RBFOX1: variants seen among roughly 807,000 people sequenced by gnomAD.
The protein encoded by RBFOX1 is RNA binding fox-1 homolog 1.
RBFOX1 carries 8 observed loss-of-function variants against 57.7 expected under a neutral mutation model. That is an observed-to-expected ratio of 0.14 (90% CI 0.08 to 0.25). The LOEUF is 0.25. Ranked by LOEUF, RBFOX1 falls within the 10% of genes least tolerant of loss-of-function variation. RBFOX1 has a pLI of 1.00. For synonymous variants in RBFOX1, 326 were observed against 222.4 expected (o/e 1.47, Z -4.15); for missense variants, 611 against 548.5 (o/e 1.11, Z -1.14).
intron 4 of RBFOX1, among the ~76,000 whole-genome samples, chr16:7,145,153 A>G (rs1273560886): frequency 6.6e-6 from 1 of 152,128 alleles, no homozygotes; most frequent in East Asian, 1.9e-4. Flanking sequence ...AGCAGGGGGT[A>G]CCATCCCAAT....
At chr16:6,346,407 G>T (rs889881228) in intron 2 of RBFOX1, among the ~76,000 whole-genome samples, 1 of 152,212 alleles carries the variant, frequency 6.6e-6, no homozygotes, top group Admixed American at 6.5e-5. Context: ...GGGAATGTGA[G>T]TCTGTAACAG....
At chr16:7,115,733 C>T (rs750658550) in intron 4 of RBFOX1, among the ~76,000 whole-genome samples, 6 of 151,696 alleles carry the variant, frequency 4.0e-5, no homozygotes, top group African/African-American at 1.5e-4. Flanking sequence ...AGGTGACATT[C>T]CATTTCTCAT....
At chr16:7,654,242 A>G (rs1420729478) in intron 12 of RBFOX1, among the ~76,000 whole-genome samples, 1 of 152,214 alleles carries the variant, frequency 6.6e-6, no homozygotes, top group Non-Finnish European at 1.5e-5. Flanking sequence ...GTTACAGCCA[A>G]AGATGTATTT....
chr16:5,835,563 G>T (rs1031099429), intron 3 of RBFOX1, among the ~76,000 whole-genome samples: 2 of 152,098 alleles, frequency 1.3e-5, no homozygotes, highest in Non-Finnish European at 2.9e-5. Context: ...GCATCTTCAG[G>T]GGCAGGGCCC....
intron 1 of RBFOX1, among the ~76,000 whole-genome samples, chr16:6,115,058 G>C (rs1871586000): frequency 6.6e-6 from 1 of 152,136 alleles, no homozygotes; most frequent in Non-Finnish European, 1.5e-5. Flanking sequence ...GAAAGGGGTA[G>C]TAACTTCCAG....
At chr16:6,572,796 G>C (rs936014618) in intron 2 of RBFOX1, among the ~76,000 whole-genome samples, 1 of 152,086 alleles carries the variant, frequency 6.6e-6, no homozygotes, top group Non-Finnish European at 1.5e-5. Context: ...GTTTCACCAT[G>C]TTGGCCACGC....
intron 4 of RBFOX1, among the ~76,000 whole-genome samples, chr16:7,328,202 C>G (rs767884668): frequency 6.6e-6 from 1 of 152,138 alleles, no homozygotes; most frequent in Non-Finnish European, 1.5e-5. Context: ...AAAGGAGGTT[C>G]TGGGCGCGGT....
At chr16:5,876,715 C>A (rs527587837) in intron 4 of RBFOX1, among the ~76,000 whole-genome samples, 1 of 152,294 alleles carries the variant, frequency 6.6e-6, no homozygotes, top group Non-Finnish European at 1.5e-5. Flanking sequence ...TACATTCCAA[C>A]CTTCTGACTG....
chr16:5,715,329 A>G (rs1166178665), intron 3 of RBFOX1, among the ~76,000 whole-genome samples: 1 of 152,206 alleles, frequency 6.6e-6, no homozygotes, highest in Non-Finnish European at 1.5e-5. Context: ...CTAGATTACT[A>G]ATATGTTCCC....
At chr16:6,905,608 G>C (rs2069669251) in intron 3 of RBFOX1, among the ~76,000 whole-genome samples, 1 of 151,554 alleles carries the variant, frequency 6.6e-6, no homozygotes, top group Non-Finnish European at 1.5e-5. Context: ...CTAGCTAGTA[G>C]GTTGGACTTT....
intron 10 of RBFOX1, among the ~76,000 whole-genome samples, chr16:7,617,569 C>G (rs548299362): frequency 1.3e-5 from 2 of 152,120 alleles, no homozygotes; most frequent in Non-Finnish European, 2.9e-5. Context: ...AACCCATGAC[C>G]TTAGCTGGAT....
intron 3 of RBFOX1, among the ~76,000 whole-genome samples, chr16:5,712,088 A>C (rs145890806): frequency 6.6e-6 from 1 of 152,294 alleles, no homozygotes; most frequent in African/African-American, 2.4e-5. Context: ...AGAGAAGTGA[A>C]GGGGGAGGAG....
At chr16:6,175,271 C>T (rs1030628571) in intron 1 of RBFOX1, among the ~76,000 whole-genome samples, 2 of 152,094 alleles carry the variant, frequency 1.3e-5, no homozygotes, top group Non-Finnish European at 2.9e-5. Context: ...AAACATTTTC[C>T]GTAATACGTC....
chr16:6,098,768 A>G (rs2096273419), intron 1 of RBFOX1, among the ~76,000 whole-genome samples: 1 of 152,166 alleles, frequency 6.6e-6, no homozygotes, highest in African/African-American at 2.4e-5. Context: ...TGTTTTACTA[A>G]CAAGTTCCTC....
chr16:7,171,870 G>C (rs942882927), intron 4 of RBFOX1, among the ~76,000 whole-genome samples: 1 of 152,118 alleles, frequency 6.6e-6, no homozygotes, highest in Admixed American at 6.6e-5. Flanking sequence ...TGATGACTGA[G>C]ACACATCTCT....
In RBFOX1 at chr16:5,757,888, C is replaced by A. The variant is rs547738960; in HGVS notation, c.319-109415C>A. Among the ~76,000 whole-genome samples, 235 of 152,270 alleles carry A rather than the reference C, an allele frequency of 1.5e-3. 1 individual carries two copies. Among genetic ancestry groups the A allele is most frequent in the African/African-American group, 5.3e-3 (222 of 41,552 alleles). On this transcript the variant is annotated intron_variant, in intron 3 of 19. Coordinates refer to the RBFOX1 transcript ENST00000641259. ...CTCTTGGGTCTCAAGCAATGAGAAGCTCTGACAATAAATCTTTCCCCTTCA... is the reference window on the plus strand; with the variant it reads ...CTCTTGGGTCTCAAGCAATGAGAAGATCTGACAATAAATCTTTCCCCTTCA...
At chr16:7,531,704 G>T (rs778564320) in intron 5 of RBFOX1, among the ~76,000 whole-genome samples, 5 of 152,146 alleles carry the variant, frequency 3.3e-5, no homozygotes, top group Non-Finnish European at 7.3e-5. Flanking sequence ...GTAAACATAG[G>T]CCTGGCAGAT....
intron 4 of RBFOX1, among the ~76,000 whole-genome samples, chr16:7,115,960 A>G (rs2065820024): frequency 6.6e-6 from 1 of 152,200 alleles, no homozygotes; most frequent in Admixed American, 6.5e-5. Context: ...TCAGCTGTGT[A>G]CCAAGGGTAA....
chr16:6,493,352 C>G (rs1221689533), intron 2 of RBFOX1, among the ~76,000 whole-genome samples: 2 of 151,962 alleles, frequency 1.3e-5, no homozygotes, highest in African/African-American at 2.4e-5. Flanking sequence ...ATGGTTTGAC[C>G]ACAGAAGAAA....
Sources: allele counts gnomAD v4.1 joint callset (sites outside exome capture counted in the v4.1 genomes callset), GRCh38; gene constraint gnomAD v4.1.1; transcripts MANE v1.5; gene names NCBI Gene and HGNC (gene_info 2026-07-23, HGNC 2026-07-21).